PPP2R2B: variants seen among roughly 807,000 people sequenced by gnomAD.
PPP2R2B encodes serine/threonine-protein phosphatase 2A 55 kDa regulatory subunit B beta isoform.
In PPP2R2B, 5 loss-of-function variants were observed where a neutral mutation model predicts 46.0. That is an observed-to-expected ratio of 0.11 (90% CI 0.06 to 0.23). PPP2R2B has a LOEUF of 0.23. Among genes scored for constraint, PPP2R2B ranks in the 10% least tolerant of loss-of-function variants. The pLI, the probability that PPP2R2B is intolerant of heterozygous loss-of-function variation, is 1.00. For synonymous variants in PPP2R2B, 215 were observed against 206.7 expected, an observed-to-expected ratio of 1.04 and a Z score of -0.34; for missense variants, 367 against 575.0, an observed-to-expected ratio of 0.64 and a Z score of 3.70.
At chr5:146,598,683 T>C (rs1047210821) in intron 8 of PPP2R2B, among the ~76,000 whole-genome samples, 1 of 152,212 alleles carries the variant, frequency 6.6e-6, no homozygotes, top group East Asian at 1.9e-4. Flanking sequence ...TTTCCTGTTA[T>C]ATCCCGCATC....
intron 7 of PPP2R2B, among the ~76,000 whole-genome samples, chr5:146,609,986 G>A (rs1220612759): frequency 7.1e-6 from 1 of 141,228 alleles, no homozygotes; most frequent in Non-Finnish European, 1.5e-5. Context: ...GAACTGGGTG[G>A]AGCCCACCAC....
intron 2 of PPP2R2B, among the ~76,000 whole-genome samples, chr5:146,784,067 T>C (rs1206892060): frequency 6.6e-6 from 1 of 152,182 alleles, no homozygotes; most frequent in East Asian, 1.9e-4. Context: ...CAAAATCTTA[T>C]GCAATAAAAA....
In PPP2R2B at chr5:146,878,098, C is replaced by T. The variant is rs781501131; in HGVS notation, c.-27G>A. The T allele has an allele frequency of 6.2e-7, 1 of 1,613,996 alleles. No individual in the cohort carries two copies. The highest frequency in any genetic ancestry group is 1.3e-5 in the African/African-American group (1 of 74,916). On this transcript the variant is annotated 5_prime_UTR_variant, in exon 2 of 10. Coordinates refer to ENST00000394411, the MANE Select transcript of PPP2R2B (RefSeq NM_181675.4). The surrounding 1 kb of genome is among the most constrained non-coding windows in gnomAD (Gnocchi z 4.5). ...GACAGCAGGCTTACTTGCGTGGGAA[C>T]CAGAAGCCGGCAGACAAGTATCCAT...
intron 2 of PPP2R2B, among the ~76,000 whole-genome samples, chr5:146,809,627 A>C (rs934735126): frequency 6.6e-6 from 1 of 152,200 alleles, no homozygotes; most frequent in Non-Finnish European, 1.5e-5. Context: ...GCCAGAGCTT[A>C]GTAAGCAAGG....
rs983447938 is a variant in PPP2R2B at position 146,885,983 on chromosome 5, G to C, written c.79+169682C>G. Among the ~76,000 whole-genome samples, 5 of 152,300 alleles carry C rather than the reference G, an allele frequency of 3.3e-5. No individual in the cohort carries two copies. The East Asian group carries it at 9.7e-4, about 29-fold the overall frequency. On this transcript the variant is annotated intron_variant, in intron 1 of 8. Coordinates refer to the PPP2R2B transcript ENST00000336640. ...CAGGGACTGAGGATAAAAAAAAAAG[G>C]GGTGGGAATGACTGCTAAAGGGTTC...
intron 7 of PPP2R2B, among the ~76,000 whole-genome samples, chr5:146,617,766 C>T (rs1171899090): frequency 6.6e-6 from 1 of 151,692 alleles, no homozygotes; most frequent in African/African-American, 2.4e-5. Context: ...GCGATCTCAG[C>T]TCACTGCAAC....
In PPP2R2B at chr5:146,582,664, G is replaced by A. The variant is rs9325017; in HGVS notation, c.*7283C>T. 0.55 allele frequency: 83,442 copies of A among 151,946 alleles called. 23,576 individuals are homozygous for A. The highest frequency in any genetic ancestry group is 0.66 in the South Asian group (3,153 of 4,808). 9.4% of individuals were successfully genotyped at this position (151,946 alleles called of 1,614,324 possible). On this transcript the variant is annotated 3_prime_UTR_variant, in exon 10 of 10. Coordinates refer to ENST00000394411, the MANE Select transcript of PPP2R2B (RefSeq NM_181675.4). ...AGTGCTGTGCCTGACTTCCTTACACGTTTATTTGTTCATTCATTCAACAAA... is the reference window on the plus strand; with the variant it reads ...AGTGCTGTGCCTGACTTCCTTACACATTTATTTGTTCATTCATTCAACAAA...
At chr5:146,737,645 C>T (rs993239852) in intron 2 of PPP2R2B, among the ~76,000 whole-genome samples, 1 of 152,078 alleles carries the variant, frequency 6.6e-6, no homozygotes, top group African/African-American at 2.4e-5. Context: ...AAGTAATATA[C>T]AGTGAAGAAT....
chr5:146,802,729 T>A (rs1208243039), intron 2 of PPP2R2B, among the ~76,000 whole-genome samples: 1 of 152,164 alleles, frequency 6.6e-6, no homozygotes, highest in Non-Finnish European at 1.5e-5. Context: ...GCTTGGACAC[T>A]CCATATCATG....
chr5:146,976,432 C>T (rs1186232494), intron 1 of PPP2R2B, among the ~76,000 whole-genome samples: 1 of 152,032 alleles, frequency 6.6e-6, no homozygotes, highest in Non-Finnish European at 1.5e-5. Context: ...CCACCATGCC[C>T]GGCCAACAGT....
At position 146,892,286 on chromosome 5, in the gene PPP2R2B, G is replaced by A. The variant is rs529858517; in HGVS notation, c.79+163379C>T. ...TCTTAACTTTTCTCATAGTGGGTTT[G>A]CACACATGCCACACAGGGGGATCAA... is the stretch of plus-strand genomic sequence containing the variant. On this transcript the variant is annotated intron_variant, in intron 1 of 8. Transcript: ENST00000336640. 2.0e-5 allele frequency among the ~76,000 whole-genome samples: 3 copies of A among 152,212 alleles called. No individual in the cohort carries two copies. The East Asian group carries it at 5.8e-4, about 29-fold the overall frequency.
chr5:146,625,683 C>A (rs990179948), intron 7 of PPP2R2B, among the ~76,000 whole-genome samples: 3 of 152,122 alleles, frequency 2.0e-5, no homozygotes, highest in Non-Finnish European at 2.9e-5. Flanking sequence ...AATGTGTAGG[C>A]AGAATGATGG....
At chr5:146,631,482 G>A (rs1774420823) in intron 7 of PPP2R2B, among the ~76,000 whole-genome samples, 1 of 152,034 alleles carries the variant, frequency 6.6e-6, no homozygotes, top group African/African-American at 2.4e-5. Context: ...GTGTCCCCAG[G>A]TCTTTGGCAA....
intron 1 of PPP2R2B, among the ~76,000 whole-genome samples, chr5:146,993,723 C>T (rs575215251): frequency 1.1e-4 from 16 of 152,250 alleles, no homozygotes; most frequent in South Asian, 6.2e-4. Context: ...TAGCTCACAA[C>T]AGGGGCTCAA....
In PPP2R2B at chr5:146,801,817, G is replaced by A. The variant is rs189941557; in HGVS notation, c.70+76185C>T. Reference sequence around the variant, plus strand: ...AAATGCTGGCTATTATCATAATCCCGTTAATACATTTTATTAATAACAAAT... The same window carrying A: ...AAATGCTGGCTATTATCATAATCCCATTAATACATTTTATTAATAACAAAT... On this transcript the variant is annotated intron_variant, in intron 2 of 9. Coordinates refer to ENST00000394411, the MANE Select transcript of PPP2R2B (RefSeq NM_181675.4). Among the ~76,000 whole-genome samples the A allele has an allele frequency of 7.9e-4, 121 of 152,254 alleles. No homozygotes were observed. The East Asian group carries it at 0.012, about 15-fold the overall frequency.
intron 2 of PPP2R2B, among the ~76,000 whole-genome samples, chr5:146,718,808 C>T (rs1026267034): frequency 2.6e-5 from 4 of 152,232 alleles, no homozygotes; most frequent in Admixed American, 2.0e-4. Flanking sequence ...TTGGATTGCC[C>T]GATCCCTGAG....
At chr5:146,992,519 T>C (rs913650070) in intron 1 of PPP2R2B, among the ~76,000 whole-genome samples, 4 of 152,116 alleles carry the variant, frequency 2.6e-5, no homozygotes, top group Non-Finnish European at 4.4e-5. Context: ...GGAGGGCTTG[T>C]TTCTGTTGGG....
intron 6 of PPP2R2B, among the ~76,000 whole-genome samples, chr5:146,649,018 A>G (rs1310633495): frequency 2.0e-5 from 3 of 152,202 alleles, no homozygotes; most frequent in Non-Finnish European, 4.4e-5. Flanking sequence ...TATTTGAATT[A>G]CATGTTGAAG....
At chr5:146,877,202 C>T (rs1217512363) in intron 2 of PPP2R2B, among the ~76,000 whole-genome samples, 1 of 152,224 alleles carries the variant, frequency 6.6e-6, no homozygotes, top group Non-Finnish European at 1.5e-5. Flanking sequence ...TGCTGACTTT[C>T]CCTTCCTGCC....
Sources: allele counts gnomAD v4.1 joint callset (sites outside exome capture counted in the v4.1 genomes callset), GRCh38; gene constraint gnomAD v4.1.1; non-coding constraint Gnocchi (gnomAD v3.1); transcripts MANE v1.5; gene names NCBI Gene and HGNC (gene_info 2026-07-23, HGNC 2026-07-21).